Variants in QSOX2 observed in about 807,000 individuals in gnomAD.
QSOX2 encodes quiescin sulfhydryl oxidase 2, also known as sulfhydryl oxidase 2.
In QSOX2, 46 loss-of-function variants were observed where a neutral mutation model predicts 61.7. The observed-to-expected ratio is 0.75, with a 90% CI of 0.59 to 0.95. QSOX2 has a LOEUF of 0.95. Among genes scored for constraint, QSOX2 ranks in the 40% least tolerant of loss-of-function variants. QSOX2 has a pLI of 0.00. For synonymous variants in QSOX2, 383 were observed against 388.4 expected, an observed-to-expected ratio of 0.99 and a Z score of 0.16; for missense variants, 879 against 918.9, an observed-to-expected ratio of 0.96 and a Z score of 0.56.
At chr9:136,232,655 G>A (rs925425755) in intron 1 of QSOX2, among the ~76,000 whole-genome samples, 2 of 152,052 alleles carry the variant, frequency 1.3e-5, no homozygotes, top group African/African-American at 2.4e-5. Flanking sequence ...AGCGTAAGTC[G>A]GGGCCTGGAG....
rs751553402 is a variant in QSOX2 at position 136,223,723 on chromosome 9, AC to A, written c.675+39del. On this transcript the variant is annotated intron_variant, in intron 5 of 11. Transcript: ENST00000358701. The surrounding 1 kb of genome is among the most constrained non-coding windows in gnomAD (Gnocchi z 4.4). ...CACAGATCCACCGCCAACCCCAATC[AC>A]ACCACGTGTGACACCTGGAGCCCAC... 6.5e-7 allele frequency: 1 copy of A among 1,536,938 alleles called. No individual in the cohort carries two copies. The highest frequency in any genetic ancestry group is 1.1e-5 in the South Asian group (1 of 88,406).
At chr9:136,217,300 T>C (rs1179502923) in intron 8 of QSOX2, among the ~76,000 whole-genome samples, 1 of 152,224 alleles carries the variant, frequency 6.6e-6, no homozygotes, top group South Asian at 2.1e-4. Flanking sequence ...GGAGAAACTC[T>C]GATCAGCTGC....
Position 136,244,901 on chromosome 9 carries a change from G to A in QSOX2, c.328+575C>T, listed in dbSNP as rs187725864. Among the ~76,000 whole-genome samples the A allele has an allele frequency of 3.3e-3, 505 of 152,268 alleles. 8 individuals are homozygous for A. Among genetic ancestry groups the A allele is most frequent in the Non-Finnish European group, 1.1e-3 (77 of 68,026 alleles). Reference sequence around the variant, plus strand: ...TTATAGAGAAGTCTCCAGAGTATTTGGACTTCTAAGTTGTGGGTTCACTTT... The same window carrying A: ...TTATAGAGAAGTCTCCAGAGTATTTAGACTTCTAAGTTGTGGGTTCACTTT... On this transcript the variant is annotated intron_variant, in intron 1 of 11. Coordinates refer to ENST00000358701, the MANE Select transcript of QSOX2 (RefSeq NM_181701.4).
chr9:136,217,030 G>A (rs563203309), intron 8 of QSOX2, among the ~76,000 whole-genome samples: 4 of 152,362 alleles, frequency 2.6e-5, no homozygotes, highest in South Asian at 4.1e-4. Context: ...GCAAGGTCAC[G>A]GTGTGTGACT....
chr9:136,219,612 C>T (rs1831957371), intron 6 of QSOX2, among the ~76,000 whole-genome samples: 2 of 152,132 alleles, frequency 1.3e-5, no homozygotes, highest in African/African-American at 4.8e-5. Context: ...GGCCCCTGAG[C>T]TCCCTGCGTG....
chr9:136,233,209 CA>C (rs1409391370), intron 1 of QSOX2, among the ~76,000 whole-genome samples: 2 of 152,208 alleles, frequency 1.3e-5, no homozygotes, highest in African/African-American at 4.8e-5. Flanking sequence ...CTTCTGGTTG[CA>C]CGAGAAGGCC....
intron 1 of QSOX2, among the ~76,000 whole-genome samples, chr9:136,242,172 G>C (rs1830438391): frequency 6.6e-6 from 1 of 152,368 alleles, no homozygotes; most frequent in Non-Finnish European, 1.5e-5. Context: ...TACAACTTTT[G>C]TTTCTTAAGC....
chr9:136,233,081 GGA>G (rs1830347269), intron 1 of QSOX2, among the ~76,000 whole-genome samples: 1 of 152,142 alleles, frequency 6.6e-6, no homozygotes, highest in South Asian at 2.1e-4. Context: ...GCACCAGTCG[GGA>G]GAGGCTGACT....
chr9:136,244,033 T>C (rs1481182658), intron 1 of QSOX2, among the ~76,000 whole-genome samples: 1 of 151,838 alleles, frequency 6.6e-6, no homozygotes, highest in African/African-American at 2.4e-5. Context: ...TCTGGTACGA[T>C]CTTTAGACTT....
chr9:136,236,716 GTGGAGCTCGTCCTGGGTCTGCGTCACC>G (rs1368552942), intron 1 of QSOX2, among the ~76,000 whole-genome samples: 3 of 151,040 alleles, frequency 2.0e-5, no homozygotes, highest in African/African-American at 7.3e-5. Flanking sequence ...CCTGCGTCAC[GTGGAGCTCGTCCTGGGTCTGCGTCACC>G]TGGAGCCCGT....
chr9:136,209,822 C>T lies in QSOX2; in HGVS notation c.1550-547G>A. The T allele has an allele frequency of 7.1e-6, 7 of 985,314 alleles. No individual in the cohort carries two copies. Among genetic ancestry groups the T allele is most frequent in the Non-Finnish European group, 8.4e-6 (7 of 829,900 alleles). The allele number at this position is 985,314 out of a possible 1,614,324, so 61.0% of individuals were successfully genotyped here. On this transcript the variant is annotated intron_variant, in intron 11 of 11. Coordinates refer to ENST00000358701, the MANE Select transcript of QSOX2 (RefSeq NM_181701.4). The surrounding 1 kb of genome is among the most constrained non-coding windows in gnomAD (Gnocchi z 5.6). ...TCCACTGCACTTCAGGTACACTGGC[C>T]CTTTCCGGACTACAAATCCCTTCAA...
In QSOX2 at chr9:136,216,793, G is replaced by A. The variant is rs368870682; in HGVS notation, c.1087-71C>T. ...GCCCGCCCCCACCGCGGGGGGCACC[G>A]CACCTCCAAAGAGAAGCACTCCATC... On this transcript the variant is annotated intron_variant, in intron 8 of 11. Transcript: ENST00000358701. 3.8e-4 allele frequency: 597 copies of A among 1,572,050 alleles called. 5 individuals carry two copies. The East Asian group carries it at 8.8e-3, about 23-fold the overall frequency.
intron 1 of QSOX2, among the ~76,000 whole-genome samples, chr9:136,236,964 C>T (rs1190266146): frequency 2.7e-5 from 4 of 150,400 alleles, no homozygotes; most frequent in South Asian, 2.1e-4. Context: ...CCGTCCTGTG[C>T]CACACCTGGA....
intron 11 of QSOX2, chr9:136,210,530 G>A (rs1831832179): frequency 1.0e-6 from 1 of 985,456 alleles, no homozygotes. Flanking sequence ...AGGGCGGAGA[G>A]ACGGAGAAGC....
rs1303325051 is a variant in QSOX2 at position 136,221,394 on chromosome 9, C to T, written c.821+402G>A. Among the ~76,000 whole-genome samples the T allele has an allele frequency of 6.6e-6, 1 of 152,216 alleles. No homozygotes were observed. Among genetic ancestry groups the T allele is most frequent in the Non-Finnish European group, 1.5e-5 (1 of 68,040 alleles). The stretch of plus-strand genomic sequence containing the variant: ...ACTTCTCATTCTGCAGAGGTGGGCA[C>T]GTGGGCTTGTCTGCCAGCCCCAGAC... On this transcript the variant is annotated intron_variant, in intron 6 of 11. Transcript: ENST00000358701. The surrounding 1 kb of genome is among the most constrained non-coding windows in gnomAD (Gnocchi z 4.5).
chr9:136,224,985 C>T (rs1391899366), intron 2 of QSOX2, 76 bp from the exon 3 acceptor site: 39 of 1,070,622 alleles, frequency 3.6e-5, no homozygotes, highest in Non-Finnish European at 1.4e-5. Context: ...ACAAAACGCC[C>T]GTCACCTTAG....
In QSOX2 at chr9:136,211,442, G is replaced by C. The variant is rs149522972; in HGVS notation, c.1371C>G (p.Asp457Glu). Residue 457 changes from aspartate to glutamate, a missense_variant, in exon 11 of 12, where the codon GAC becomes GAG. Asp to Glu is a conservative substitution (Grantham distance 45, BLOSUM62 2). Transcript: ENST00000358701. ...PDALVGTGFEDDPQAVLQTMR... is the reference protein window; with the variant it reads ...PDALVGTGFEEDPQAVLQTMR... ...TTGTCTGCAGCACAGCCTGGGGGTC[G>C]TCTTCAAAGCCTGCAGGGGAAGAAA... The C allele has an allele frequency of 6.2e-6, 10 of 1,613,664 alleles. No individual in the cohort carries two copies. The South Asian group carries it at 1.1e-4, about 18-fold the overall frequency.
chr9:136,210,177 C>G (rs1564288715), intron 11 of QSOX2: 1 of 985,344 alleles, frequency 1.0e-6, no homozygotes, highest in Non-Finnish European at 1.2e-6. Context: ...TCAGAAGCTG[C>G]CAGAGCTTCA....
intron 1 of QSOX2, 74 bp downstream of exon 1, chr9:136,245,401 TG>T: frequency 7.8e-7 from 1 of 1,287,762 alleles, no homozygotes; most frequent in Non-Finnish European, 1.1e-6. Context: ...ACCCGCCTTC[TG>T]GGGCGGTCGC....
Sources: gnomAD v4.1 joint callset for allele counts (sites outside exome capture counted in the v4.1 genomes callset) on GRCh38, gnomAD v4.1.1 for gene constraint, Gnocchi (gnomAD v3.1) non-coding constraint, MANE v1.5 for transcripts, NCBI Gene and HGNC (gene_info 2026-07-23, HGNC 2026-07-21) for gene names.